Variants in PTPRN2 observed in about 807,000 individuals in gnomAD.
The protein encoded by PTPRN2 is protein tyrosine phosphatase receptor type N2.
PTPRN2 carries 74 observed loss-of-function variants against 118.8 expected under a neutral mutation model. The observed-to-expected ratio is 0.62, with a 90% CI of 0.52 to 0.76. The LOEUF is 0.76. PTPRN2 is among the 30% of genes least tolerant of loss of function. The pLI is 0.00. For missense variants in PTPRN2, 1,481 were observed against 1,394.4 expected, an observed-to-expected ratio of 1.06 and a Z score of -0.99; for synonymous variants, 641 against 608.0, an observed-to-expected ratio of 1.05 and a Z score of -0.80.
At chr7:158,267,729 C>T (rs1586050095) in intron 3 of PTPRN2, among the ~76,000 whole-genome samples, 1 of 152,168 alleles carries the variant, frequency 6.6e-6, no homozygotes, top group African/African-American at 2.4e-5. Flanking sequence ...GTAGATTAAA[C>T]TCAGAAACAT....
rs900215822 is a variant in PTPRN2 at position 158,509,330 on chromosome 7, A to G, written c.113-19545T>C. ...AGTGCTCCCTGATCCCTAACGTGCA[A>G]TCGGGGCTGGAGCCGGAGACCCCTC... On this transcript the variant is annotated intron_variant, in intron 1 of 22. Coordinates refer to ENST00000389418, the MANE Select transcript of PTPRN2 (RefSeq NM_002847.5). The surrounding 1 kb of genome is among the most constrained non-coding windows in gnomAD (Gnocchi z 4.4). Among the ~76,000 whole-genome samples, 2 of 152,114 alleles carry G rather than the reference A, an allele frequency of 1.3e-5. No homozygotes were observed. The highest frequency in any genetic ancestry group is 2.9e-5 in the Non-Finnish European group (2 of 68,010).
intron 12 of PTPRN2, among the ~76,000 whole-genome samples, chr7:157,717,919 A>G (rs1280271571): frequency 6.6e-6 from 1 of 152,248 alleles, no homozygotes; most frequent in Non-Finnish European, 1.5e-5. Flanking sequence ...ATTTTTCGGT[A>G]TTTCTCTAAG....
At chr7:158,204,193 T>A (rs1402417264) in intron 4 of PTPRN2, among the ~76,000 whole-genome samples, 1 of 135,562 alleles carries the variant, frequency 7.4e-6, no homozygotes, top group African/African-American at 2.8e-5. Context: ...GCCCTCAGCG[T>A]GCGCCGTGTG....
intron 1 of PTPRN2, among the ~76,000 whole-genome samples, chr7:158,527,704 G>A (rs1007474076): frequency 1.2e-4 from 19 of 152,158 alleles, no homozygotes; most frequent in Admixed American, 3.9e-4. Context: ...TCTCACAGCA[G>A]CCACACAGAG....
At chr7:158,334,586 C>T (rs1205926379) in intron 2 of PTPRN2, among the ~76,000 whole-genome samples, 4 of 108,306 alleles carry the variant, frequency 3.7e-5, no homozygotes, top group African/African-American at 1.3e-4. Context: ...AGAGGTCACT[C>T]ACACCCACAC....
chr7:157,549,088 T>C, intron 21 of PTPRN2, 69 bp from the exon 22 acceptor site: 1 of 1,458,960 alleles, frequency 6.9e-7, no homozygotes, highest in Non-Finnish European at 9.6e-7. Context: ...GTCAATCTCC[T>C]GCTAGCCACG....
At chr7:157,575,743 G>C (rs1430552658) in intron 19 of PTPRN2, among the ~76,000 whole-genome samples, 2 of 152,160 alleles carry the variant, frequency 1.3e-5, no homozygotes, top group East Asian at 3.8e-4. Flanking sequence ...CTTTATGATA[G>C]TGGGGCATGG....
intron 2 of PTPRN2, among the ~76,000 whole-genome samples, chr7:158,358,313 T>G (rs950911245): frequency 1.1e-4 from 16 of 152,186 alleles, no homozygotes; most frequent in Non-Finnish European, 2.1e-4. Flanking sequence ...TTCACCTTTT[T>G]CAGGAGCATG....
At chr7:157,753,769 G>A (rs937523408) in intron 12 of PTPRN2, among the ~76,000 whole-genome samples, 8 of 152,110 alleles carry the variant, frequency 5.3e-5, no homozygotes, top group South Asian at 4.1e-4. Context: ...CGTGGCATGC[G>A]TGCATGGCTG....
chr7:158,495,691 C>T (rs1248907005), intron 1 of PTPRN2, among the ~76,000 whole-genome samples: 2 of 152,184 alleles, frequency 1.3e-5, no homozygotes, highest in Non-Finnish European at 2.9e-5. Context: ...GAATAGAAAG[C>T]CATTTCCACA....
At chr7:158,066,335 C>A (rs1169717489) in intron 11 of PTPRN2, among the ~76,000 whole-genome samples, 1 of 152,198 alleles carries the variant, frequency 6.6e-6, no homozygotes, top group African/African-American at 2.4e-5. Context: ...TGAAATGAGG[C>A]TCTAAATATG....
At position 157,751,842 on chromosome 7, in the gene PTPRN2, A is replaced by AGGAG. The variant is rs535209512; in HGVS notation, c.1789-68909_1789-68906dup. Among the ~76,000 whole-genome samples, 18 of 132,180 alleles carry AGGAG rather than the reference A, an allele frequency of 1.4e-4. No individual in the cohort carries two copies. The East Asian group carries it at 3.5e-3, about 26-fold the overall frequency. 86.7% of individuals were successfully genotyped at this position (132,180 alleles called of 152,430 possible). A position where few individuals can be genotyped will look rare whatever the true frequency, so the allele number is the denominator to read the frequency against. On this transcript the variant is annotated intron_variant, in intron 12 of 22. Transcript: ENST00000389418. ...TCTAACACAGGCCTTCTAAAGAGAG[A>AGGAG]GGAGGGAGGGAGGGAGGGATGGAAA...
At chr7:157,947,946 GT>G (rs767079889) in intron 11 of PTPRN2, among the ~76,000 whole-genome samples, 11 of 152,206 alleles carry the variant, frequency 7.2e-5, no homozygotes, top group Non-Finnish European at 1.6e-4. Context: ...CAATAATTCT[GT>G]ATCAGGCAAA....
At chr7:157,879,003 C>T (rs1182809125) in intron 12 of PTPRN2, among the ~76,000 whole-genome samples, 2 of 135,516 alleles carry the variant, frequency 1.5e-5, no homozygotes, top group South Asian at 2.4e-4. Context: ...TCTCAGATTC[C>T]ATGGGGCTGG....
intron 2 of PTPRN2, among the ~76,000 whole-genome samples, chr7:158,488,432 G>C (rs1318140284): frequency 6.6e-6 from 1 of 152,172 alleles, no homozygotes; most frequent in Non-Finnish European, 1.5e-5. Flanking sequence ...CGCCTCCACC[G>C]TGGCTTCCCT....
intron 2 of PTPRN2, among the ~76,000 whole-genome samples, chr7:158,397,940 A>C (rs1812655441): frequency 6.6e-6 from 1 of 152,214 alleles, no homozygotes; most frequent in African/African-American, 2.4e-5. Context: ...GGTGTGCATG[A>C]TAACAAGGAG....
In PTPRN2 at chr7:158,274,010, G is replaced by A. The variant is rs372545689; in HGVS notation, c.277+42809C>T. Among the ~76,000 whole-genome samples the A allele has an allele frequency of 6.8e-4, 86 of 126,814 alleles. No individual in the cohort carries two copies. In the East Asian group the frequency reaches 8.2e-3, roughly 12 times the overall value. The allele number at this position is 126,814 out of a possible 152,430, so 83.2% of individuals were successfully genotyped here. Reference sequence around the variant, plus strand: ...CAGGGAGCCGCAGACACAGGGAGCCGCAGACACAGGGGGAGCCGCAGACAC... The same window carrying A: ...CAGGGAGCCGCAGACACAGGGAGCCACAGACACAGGGGGAGCCGCAGACAC... On this transcript the variant is annotated intron_variant, in intron 3 of 22. Coordinates refer to ENST00000389418, the MANE Select transcript of PTPRN2 (RefSeq NM_002847.5).
intron 12 of PTPRN2, chr7:157,863,451 C>T (rs139993130): frequency 2.0e-5 from 3 of 152,206 alleles, no homozygotes; most frequent in South Asian, 2.1e-4. Flanking sequence ...GCTACTAGCT[C>T]GGGGTGTGAA....
rs375881395 is a variant in PTPRN2 at position 158,253,436 on chromosome 7, A to G, written c.278-48163T>C. Among the ~76,000 whole-genome samples, 72 of 152,344 alleles carry G rather than the reference A, an allele frequency of 4.7e-4. 1 individual carries two copies. Among genetic ancestry groups the G allele is most frequent in the African/African-American group, 1.5e-3 (64 of 41,586 alleles). On this transcript the variant is annotated intron_variant, in intron 3 of 22. Coordinates refer to ENST00000389418, the MANE Select transcript of PTPRN2 (RefSeq NM_002847.5). ...ATTTCGTAGAAAGGAGGAAGCACTC[A>G]ACAGAACCTTCCGTTTCCAGTCACC...
Sources: allele counts gnomAD v4.1 joint callset (sites outside exome capture counted in the v4.1 genomes callset), GRCh38; gene constraint gnomAD v4.1.1; non-coding constraint Gnocchi (gnomAD v3.1); transcripts MANE v1.5; gene names NCBI Gene and HGNC (gene_info 2026-07-23, HGNC 2026-07-21).